The following PLA2G4B variants were observed in gnomAD, a reference collection of about 807,000 sequenced individuals.
PLA2G4B encodes the protein phospholipase A2 group IVB.
In PLA2G4B, 122 loss-of-function variants were observed where a neutral mutation model predicts 95.8. That is an observed-to-expected ratio of 1.27 (90% CI 1.10 to 1.48). PLA2G4B has a LOEUF of 1.48. Ranked by LOEUF, PLA2G4B falls within the 40% of genes most tolerant of loss-of-function variation. The pLI is 0.00. For missense variants in PLA2G4B, 1,158 were observed against 996.2 expected (o/e 1.16, Z -2.19); for synonymous variants, 518 against 421.5 (o/e 1.23, Z -2.80).
chr15:41,846,862 G>C (rs1180950544), intron 18 of PLA2G4B, 27 bp downstream of exon 18: 2 of 1,587,502 alleles, frequency 1.3e-6, no homozygotes, highest in Non-Finnish European at 1.7e-6. Flanking sequence ...AGCCCACCAG[G>C]GAGGCGGTGG....
At chr15:41,839,271 G>A in intron 1 of PLA2G4B, 2 of 209,852 alleles carry the variant, frequency 9.5e-6, no homozygotes, top group Non-Finnish European at 1.9e-5. Context: ...AGGGCCCTGG[G>A]CTGACCCTGG....
chr15:41,838,999 G>A, intron 1 of PLA2G4B, 77 bp downstream of exon 1: 1 of 1,231,672 alleles, frequency 8.1e-7, no homozygotes, highest in Non-Finnish European at 1.1e-6. Context: ...TGTTTCTTAT[G>A]GGAGCTGTGG....
chr15:41,839,545 C>G (rs1217355412), intron 1 of PLA2G4B: 1 of 153,978 alleles, frequency 6.5e-6, no homozygotes, highest in Non-Finnish European at 1.4e-5. Flanking sequence ...GCCTCCCCTG[C>G]CCAGGAGAGA....
intron 12 of PLA2G4B, 96 bp from the exon 13 acceptor site, chr15:41,844,752 C>G: frequency 6.5e-7 from 1 of 1,538,776 alleles, no homozygotes; most frequent in Non-Finnish European, 8.8e-7. Flanking sequence ...TGGGAAGGTC[C>G]CTGCCAGGCC....
In PLA2G4B at chr15:41,848,017, T is replaced by A. The variant is rs926820328; in HGVS notation, c.*157T>A. 1 of 1,038,926 alleles carries A rather than the reference T, an allele frequency of 9.6e-7. No homozygotes were observed. Among genetic ancestry groups the A allele is most frequent in the East Asian group, 2.6e-5 (1 of 38,310 alleles). 64.4% of individuals were successfully genotyped at this position (1,038,926 alleles called of 1,614,324 possible). A position where few individuals can be genotyped will look rare whatever the true frequency, so the allele number is the denominator to read the frequency against. On this transcript the variant is annotated 3_prime_UTR_variant, in exon 20 of 20. Coordinates refer to ENST00000458483, the MANE Select transcript of PLA2G4B (RefSeq NM_001114633.2). Reference sequence around the variant, plus strand: ...TGGGAGCTCCCTTGCGCCTCAGCAGTTTGCAGTGGGGTAAGGAGGCCAAGC... The same window carrying A: ...TGGGAGCTCCCTTGCGCCTCAGCAGATTGCAGTGGGGTAAGGAGGCCAAGC...
chr15:41,842,422 A>G, intron 9 of PLA2G4B, 132 bp from the exon 10 acceptor site: 1 of 1,552,862 alleles, frequency 6.4e-7, no homozygotes, highest in Non-Finnish European at 8.7e-7. Flanking sequence ...TCCTCTGAGC[A>G]TCCCTGCTTC....
Position 41,845,978 on chromosome 15 carries a change from G to C in PLA2G4B, c.1531G>C (p.Asp511His). Reference sequence around the variant, plus strand: ...CAACCTGTATGCAGCCAACCTCCAGGACAGCTTATACTGGGCCTCAGAGCC... The same window carrying C: ...CAACCTGTATGCAGCCAACCTCCAGCACAGCTTATACTGGGCCTCAGAGCC... Reference protein sequence around the residue: ...WSNLYAANLQDSLYWASEPSQ... With the variant: ...WSNLYAANLQHSLYWASEPSQ... The change falls in exon 16 of 20, where the codon GAC becomes CAC. Residue 511 changes from aspartate (D) to histidine (H), a missense_variant. Asp to His is a moderately conservative substitution (Grantham distance 81). Coordinates refer to ENST00000458483, the MANE Select transcript of PLA2G4B (RefSeq NM_001114633.2). 2 of 1,519,412 alleles carry C rather than the reference G, an allele frequency of 1.3e-6. No individual in the cohort carries two copies. The highest frequency in any genetic ancestry group is 1.8e-6 in the Non-Finnish European group (2 of 1,134,850). The allele number at this position is 1,519,412 out of a possible 1,614,324, so 94.1% of individuals were successfully genotyped here.
chr15:41,847,365 A>C lies in PLA2G4B; in HGVS notation c.1976A>C (p.Gln659Pro). Reference sequence around the variant, plus strand: ...TTGCAGCTCCTGGGCCGGTTCTGCCAGGAGCAGGGGATCCCGTTCCCACCC... The same window carrying C: ...TTGCAGCTCCTGGGCCGGTTCTGCCCGGAGCAGGGGATCCCGTTCCCACCC... Reference protein sequence around the residue: ...QQLQLLGRFCQEQGIPFPPIS... With the variant: ...QQLQLLGRFCPEQGIPFPPIS... The change falls in exon 19 of 20, where the codon CAG (glutamine) becomes CCG (proline). Residue 659 changes from glutamine to proline, a missense_variant. Coordinates refer to ENST00000458483, the MANE Select transcript of PLA2G4B (RefSeq NM_001114633.2). The C allele has an allele frequency of 6.2e-7, 1 of 1,608,840 alleles. No individual in the cohort carries two copies. The highest frequency in any genetic ancestry group is 8.5e-7 in the Non-Finnish European group (1 of 1,177,678).
In PLA2G4B at chr15:41,844,473, C is replaced by T. The variant is rs1024142028; in HGVS notation, c.882C>T (p.Ile294=). The change falls in exon 12 of 20, where the codon ATC becomes ATT. Residue 294 remains isoleucine, a splice_region_variant and synonymous_variant. Coordinates refer to ENST00000458483, the MANE Select transcript of PLA2G4B (RefSeq NM_001114633.2). Reference sequence around the variant, plus strand: ...GGCCTGGCTCTCTTCTTTTCCAGATCCCAGTGGTAGCTATTATGGCCACTG... The same window carrying T: ...GGCCTGGCTCTCTTCTTTTCCAGATTCCAGTGGTAGCTATTATGGCCACTG... ...QLDGDLQEDE[I]PVVAIMATGG... is the part of the protein sequence containing the mutation. The T allele has an allele frequency of 5.6e-6, 9 of 1,614,062 alleles. No homozygotes were observed. The African/African-American group carries it at 1.2e-4, about 22-fold the overall frequency.
At chr15:41,844,077 A>G (rs1172371207) in intron 11 of PLA2G4B, among the ~76,000 whole-genome samples, 1 of 151,990 alleles carries the variant, frequency 6.6e-6, no homozygotes, top group Non-Finnish European at 1.5e-5. Flanking sequence ...GAGGAGGGAG[A>G]CAGATATCTG....
intron 14 of PLA2G4B, 29 bp from the exon 15 acceptor site, chr15:41,845,609 C>T: frequency 6.2e-7 from 1 of 1,613,744 alleles, no homozygotes; most frequent in Non-Finnish European, 8.5e-7. Context: ...GGCTCTGCAC[C>T]ATGAGGCTGA....
intron 1 of PLA2G4B, chr15:41,839,174 G>A (rs2065379053): frequency 1.0e-5 from 4 of 381,100 alleles, no homozygotes; most frequent in African/African-American, 2.1e-5. Flanking sequence ...TTGGGCCCTG[G>A]AGACTCAGAG....
In PLA2G4B at chr15:41,845,734, T is replaced by C; in HGVS notation, c.1454T>C (p.Leu485Pro). 1.9e-6 allele frequency: 3 copies of C among 1,611,684 alleles called. No homozygotes were observed. The highest frequency in any genetic ancestry group is 2.5e-6 in the Non-Finnish European group (3 of 1,178,898). ...LFGSEFFMGQ[L>P]MKRLPESRIC... Reference sequence around the variant, plus strand: ...GGCTCCGAGTTCTTTATGGGGCAGCTGATGAAGAGGCTTCCTGAGTCCCGC... The same window carrying C: ...GGCTCCGAGTTCTTTATGGGGCAGCCGATGAAGAGGCTTCCTGAGTCCCGC... The change falls in exon 15 of 20, where the codon CTG becomes CCG. Residue 485 changes from leucine to proline, a missense_variant. Leu to Pro is a moderately conservative substitution (Grantham distance 98, BLOSUM62 -3). Coordinates refer to ENST00000458483, the MANE Select transcript of PLA2G4B (RefSeq NM_001114633.2).
At position 41,847,775 on chromosome 15, in the gene PLA2G4B, A is replaced by G; in HGVS notation, c.2261A>G (p.His754Arg). The G allele has an allele frequency of 6.2e-7, 1 of 1,613,628 alleles. No individual in the cohort carries two copies. Among genetic ancestry groups the G allele is most frequent in the Non-Finnish European group, 8.5e-7 (1 of 1,180,030 alleles). ...EDVDKLLHLT[H>R]YNVCNNQEQL... ...GTGGACAAGCTGCTGCACCTGACAC[A>G]TTACAATGTCTGCAACAACCAGGAG... The change falls in exon 20 of 20, where the codon CAT becomes CGT. Residue 754 changes from histidine (H) to arginine (R), a missense_variant. By Grantham distance (29) the His-to-Arg change is conservative. Transcript: ENST00000458483.
In PLA2G4B at chr15:41,848,074, C is replaced by CTGTGCCTGTTTTCCCT. The variant is rs2065614653; in HGVS notation, c.*216_*231dup. 1 of 641,428 alleles carries CTGTGCCTGTTTTCCCT rather than the reference C, an allele frequency of 1.6e-6. No individual in the cohort carries two copies. Among genetic ancestry groups the CTGTGCCTGTTTTCCCT allele is most frequent in the African/African-American group, 1.8e-5 (1 of 54,698 alleles). The allele number at this position is 641,428 out of a possible 1,614,324, so 39.7% of individuals were successfully genotyped here. ...GTGTAATCACCCAAAACCCCCCGGCCTGTGCCTGTTTTCCCTTCTGCGCTA... is the reference window on the plus strand; with the variant it reads ...GTGTAATCACCCAAAACCCCCCGGCCTGTGCCTGTTTTCCCTTGTGCCTGTTTTCCCTTCTGCGCTA... On this transcript the variant is annotated 3_prime_UTR_variant, in exon 20 of 20. Coordinates refer to ENST00000458483, the MANE Select transcript of PLA2G4B (RefSeq NM_001114633.2).
Position 41,844,957 on chromosome 15 carries a change from C to T in PLA2G4B, c.1126C>T (p.Pro376Ser), listed in dbSNP as rs746511859. 1 of 1,611,884 alleles carries T rather than the reference C, an allele frequency of 6.2e-7. No individual in the cohort carries two copies. Among genetic ancestry groups the T allele is most frequent in the East Asian group, 2.2e-5 (1 of 44,800 alleles). Residue 376 changes from proline (P) to serine (S), a missense_variant, in exon 13 of 20, where the codon CCC becomes TCC. Transcript: ENST00000458483. ...CAAGAACAAGCTGGGTGTGCTGGCC[C>T]CCAGCCAGCTGCAGCGGTACCGGCA... ...VTKNKLGVLA[P>S]SQLQRYRQEL...
At chr15:41,841,786 C>T in intron 7 of PLA2G4B, 33 bp from the exon 8 acceptor site, 1 of 1,608,656 alleles carries the variant, frequency 6.2e-7, no homozygotes, top group Non-Finnish European at 8.5e-7. Context: ...GAGATACCGT[C>T]CCCAGCCTCT....
Position 41,848,070 on chromosome 15 carries a change from C to T in PLA2G4B, c.*210C>T, listed in dbSNP as rs1363484666. 5.6e-5 allele frequency: 36 copies of T among 644,624 alleles called. 1 individual carries two copies. Among genetic ancestry groups the T allele is most frequent in the Admixed American group, 1.5e-4 (5 of 33,784 alleles). 39.9% of individuals were successfully genotyped at this position (644,624 alleles called of 1,614,324 possible). ...ATTTGTGTAATCACCCAAAACCCCC[C>T]GGCCTGTGCCTGTTTTCCCTTCTGC... On this transcript the variant is annotated 3_prime_UTR_variant, in exon 20 of 20. Coordinates refer to ENST00000458483, the MANE Select transcript of PLA2G4B (RefSeq NM_001114633.2).
chr15:41,841,513 T>G lies in PLA2G4B; in HGVS notation c.436-4T>G. 1 of 1,614,048 alleles carries G rather than the reference T, an allele frequency of 6.2e-7. No homozygotes were observed. Among genetic ancestry groups the G allele is most frequent in the Non-Finnish European group, 8.5e-7 (1 of 1,179,992 alleles). ...GTGTCTGAGGGGCTGTCTTCATGAC[T>G]CAGGCCCGGGAGCTCTCCTGCTTGC... On this transcript the variant is annotated splice_polypyrimidine_tract_variant and splice_region_variant and intron_variant, in intron 6 of 19. Coordinates refer to ENST00000458483, the MANE Select transcript of PLA2G4B (RefSeq NM_001114633.2).
Sources: gnomAD v4.1 joint callset for allele counts (sites outside exome capture counted in the v4.1 genomes callset) on GRCh38, gnomAD v4.1.1 for gene constraint, MANE v1.5 for transcripts, NCBI Gene and HGNC (gene_info 2026-07-23, HGNC 2026-07-21) for gene names.